Variants in P2RY13 observed in about 807,000 individuals in gnomAD.
The protein encoded by P2RY13 is P2Y purinoceptor 13.
For missense variants in P2RY13, 412 were observed against 418.4 expected (o/e 0.98, Z 0.13); for synonymous variants, 150 against 155.1 (o/e 0.97, Z 0.24).
At position 151,328,322 on chromosome 3, in the gene P2RY13, T is replaced by C. The variant is rs777980296; in HGVS notation, c.734A>G (p.Lys245Arg). The C allele has an allele frequency of 8.7e-5, 140 of 1,613,496 alleles. 1 individual carries two copies. Among genetic ancestry groups the C allele is most frequent in the Non-Finnish European group, 1.2e-4 (136 of 1,179,744 alleles). ...CAGCTTTTTGTTGTTTTTTCTGTCCTTACTTTTGGACTTTCTATAAGAATC... is the reference window on the plus strand; with the variant it reads ...CAGCTTTTTGTTGTTTTTTCTGTCCCTACTTTTGGACTTTCTATAAGAATC... ...VYDSYRKSKS[K>R]DRKNNKKLEG... is the part of the protein sequence containing the mutation. Residue 245 changes from lysine to arginine, a missense_variant, in exon 2 of 2, where the codon AAG (lysine) becomes AGG (arginine). Lys to Arg is a conservative substitution (Grantham distance 26). Transcript: ENST00000325602.
rs769953806 is a variant in P2RY13, at chr3:151,328,143, A to AG, written c.912_913insC (p.Ala306GlyfsTer4). The AG allele has an allele frequency of 2.5e-6, 4 of 1,613,056 alleles. No homozygotes were observed. Among genetic ancestry groups the AG allele is most frequent in the Non-Finnish European group, 2.5e-6 (3 of 1,179,650 alleles). ...TCCATACAAATGTTAGTTGCTGCCA[A>AG]AAAGAGAGTTGTTTCTTTAGCAATA... On this transcript the variant is annotated frameshift_variant, in exon 2 of 2. Coordinates refer to ENST00000325602, the MANE Select transcript of P2RY13 (RefSeq NM_176894.3). LOFTEE classifies it low-confidence loss of function (END_TRUNC).
intron 1 of P2RY13, 39 bp downstream of exon 1, chr3:151,329,442 T>C (rs1230497453): frequency 2.2e-6 from 3 of 1,345,910 alleles, no homozygotes; most frequent in South Asian, 2.6e-5. Context: ...TTCTTTTATA[T>C]AAGCAAGCAC....
Position 151,327,627 on chromosome 3 carries a change from G to T in P2RY13, c.*364C>A. 1 of 158,284 alleles carries T rather than the reference G, an allele frequency of 6.3e-6. No individual in the cohort carries two copies. The highest frequency in any genetic ancestry group is 6.5e-5 in the Admixed American group (1 of 15,468). 9.8% of individuals were successfully genotyped at this position (158,284 alleles called of 1,614,324 possible). On this transcript the variant is annotated 3_prime_UTR_variant, in exon 2 of 2. Coordinates refer to ENST00000325602, the MANE Select transcript of P2RY13 (RefSeq NM_176894.3). Reference sequence around the variant, plus strand: ...AGGGGCACAAAAGCAGTAGTGTTATGTGAATTGTGGAAAAGAATGTGAGAA... The same window carrying T: ...AGGGGCACAAAAGCAGTAGTGTTATTTGAATTGTGGAAAAGAATGTGAGAA...
rs1420672337 is a variant in P2RY13 at position 151,327,012 on chromosome 3, T to C, written c.*979A>G. ...GTATGTATCGAGAATAGCAATTCTATTTAAAACATCTGTAGACCATGGACT... is the reference window on the plus strand; with the variant it reads ...GTATGTATCGAGAATAGCAATTCTACTTAAAACATCTGTAGACCATGGACT... On this transcript the variant is annotated 3_prime_UTR_variant, in exon 2 of 2. Coordinates refer to ENST00000325602, the MANE Select transcript of P2RY13 (RefSeq NM_176894.3). The C allele has an allele frequency of 2.0e-5, 3 of 152,230 alleles. No individual in the cohort carries two copies. The highest frequency in any genetic ancestry group is 2.0e-4 in the Admixed American group (3 of 15,266). The allele number at this position is 152,230 out of a possible 1,614,324, so 9.4% of individuals were successfully genotyped here. A position where few individuals can be genotyped will look rare whatever the true frequency, so the allele number is the denominator to read the frequency against.
chr3:151,328,477 C>T lies in P2RY13; in HGVS notation c.579G>A (p.Lys193=). ...NKEATPSSVK[K]CASLKGPLGL... is the part of the protein sequence containing the mutation. ...CCAGAGGCCCCTTTAAGGAAGCACA[C>T]TTTTTCACAGACGATGGTGTTGCTT... The change falls in exon 2 of 2, where the codon AAG becomes AAA. Residue 193 remains lysine, a synonymous_variant. Transcript: ENST00000325602. 1 of 1,614,012 alleles carries T rather than the reference C, an allele frequency of 6.2e-7. No individual in the cohort carries two copies.
chr3:151,328,309 G>C lies in P2RY13; in HGVS notation c.747C>G (p.Asn249Lys), dbSNP rs748602377. ...YRKSKSKDRK[N>K]NKKLEGKVFV... Reference sequence around the variant, plus strand: ...ATACTTTGCCTTCCAGCTTTTTGTTGTTTTTTCTGTCCTTACTTTTGGACT... The same window carrying C: ...ATACTTTGCCTTCCAGCTTTTTGTTCTTTTTTCTGTCCTTACTTTTGGACT... Residue 249 changes from asparagine to lysine, a missense_variant, in exon 2 of 2, where the codon AAC (asparagine) becomes AAG (lysine). By Grantham distance (94) the Asn-to-Lys change is moderately conservative. Transcript: ENST00000325602. The C allele has an allele frequency of 1.2e-6, 2 of 1,613,566 alleles. No individual in the cohort carries two copies. The highest frequency in any genetic ancestry group is 3.3e-5 in the Admixed American group (2 of 59,872).
Position 151,328,417 on chromosome 3 carries a change from G to T in P2RY13, c.639C>A (p.Cys213Ter). The change falls in exon 2 of 2, where the codon TGC (cysteine) becomes TGA (stop). Residue 213 changes from cysteine to a stop codon, truncating the protein, a stop_gained. Coordinates refer to ENST00000325602, the MANE Select transcript of P2RY13 (RefSeq NM_176894.3). LOFTEE classifies it low-confidence loss of function (END_TRUNC). ...TAAAAACAGTCCAGAAAATAAACTGGCATATGTTATTTACCATTTGATGCC... is the reference window on the plus strand; with the variant it reads ...TAAAAACAGTCCAGAAAATAAACTGTCATATGTTATTTACCATTTGATGCC... ...LKWHQMVNNI[C>*]QFIFWTVFIL... 6.2e-7 allele frequency: 1 copy of T among 1,613,158 alleles called. No individual in the cohort carries two copies. The highest frequency in any genetic ancestry group is 8.5e-7 in the Non-Finnish European group (1 of 1,179,346).
chr3:151,328,312 T>G lies in P2RY13; in HGVS notation c.744A>C (p.Lys248Asn). ...SYRKSKSKDR[K>N]NNKKLEGKVF... is the part of the protein sequence containing the mutation. ...CTTTGCCTTCCAGCTTTTTGTTGTT[T>G]TTTCTGTCCTTACTTTTGGACTTTC... Residue 248 changes from lysine (K) to asparagine (N), a missense_variant, in exon 2 of 2, where the codon AAA becomes AAC. Lys to Asn is a moderately conservative substitution (Grantham distance 94). Coordinates refer to ENST00000325602, the MANE Select transcript of P2RY13 (RefSeq NM_176894.3). 1 of 1,613,886 alleles carries G rather than the reference T, an allele frequency of 6.2e-7. No individual in the cohort carries two copies. Among genetic ancestry groups the G allele is most frequent in the Non-Finnish European group, 8.5e-7 (1 of 1,179,900 alleles).
rs1169269871 is a variant in P2RY13, at chr3:151,326,584, A to T, written c.*1407T>A. ...GAGTCTTCCAAGTGTACCAGGGGGAAATATACATGTGTGGTGCCAAAACAG... is the reference window on the plus strand; with the variant it reads ...GAGTCTTCCAAGTGTACCAGGGGGATATATACATGTGTGGTGCCAAAACAG... On this transcript the variant is annotated 3_prime_UTR_variant, in exon 2 of 2. Transcript: ENST00000325602. The T allele has an allele frequency of 6.6e-6, 1 of 152,170 alleles. No individual in the cohort carries two copies. The highest frequency in any genetic ancestry group is 2.4e-5 in the African/African-American group (1 of 41,426). The allele number at this position is 152,170 out of a possible 1,614,324, so 9.4% of individuals were successfully genotyped here.
Position 151,328,940 on chromosome 3 carries a change from T to G in P2RY13, c.116A>C (p.Asp39Ala). 1 of 1,613,792 alleles carries G rather than the reference T, an allele frequency of 6.2e-7. No homozygotes were observed. The highest frequency in any genetic ancestry group is 8.5e-7 in the Non-Finnish European group (1 of 1,179,742). Residue 39 changes from aspartate (D) to alanine (A), a missense_variant, in exon 2 of 2, where the codon GAC (aspartate) becomes GCC (alanine). Asp to Ala is a moderately radical substitution (Grantham distance 126). Transcript: ENST00000325602. ...GAATACCAGCTGTACTATCCGAGTGTCTCTGGGGCACCGCTCAGATCTGTT... is the reference window on the plus strand; with the variant it reads ...GAATACCAGCTGTACTATCCGAGTGGCTCTGGGGCACCGCTCAGATCTGTT... The part of the protein sequence containing the change: ...GFNRSERCPR[D>A]TRIVQLVFPA...
Position 151,327,929 on chromosome 3 carries a change from T to A in P2RY13, c.*62A>T. On this transcript the variant is annotated 3_prime_UTR_variant, in exon 2 of 2. Transcript: ENST00000325602. ...CCAATCTTTTTTTCTTGGTTAAATT[T>A]GATTTCCACATTATCTACGGAAGTC... 1 of 1,202,206 alleles carries A rather than the reference T, an allele frequency of 8.3e-7. No homozygotes were observed. The highest frequency in any genetic ancestry group is 2.4e-5 in the East Asian group (1 of 41,012). The allele number at this position is 1,202,206 out of a possible 1,614,324, so 74.5% of individuals were successfully genotyped here.
In P2RY13 at chr3:151,326,643, C is replaced by T. The variant is rs1025924929; in HGVS notation, c.*1348G>A. ...ATTTTCTGAAAGTTAGAAATTTATA[C>T]AAGAGTATAAAGTTCAAGAGATGGA... On this transcript the variant is annotated 3_prime_UTR_variant, in exon 2 of 2. Coordinates refer to ENST00000325602, the MANE Select transcript of P2RY13 (RefSeq NM_176894.3). 1.3e-5 allele frequency: 2 copies of T among 152,038 alleles called. No homozygotes were observed. The highest frequency in any genetic ancestry group is 2.9e-5 in the Non-Finnish European group (2 of 68,012). 9.4% of individuals were successfully genotyped at this position (152,038 alleles called of 1,614,324 possible). A position where few individuals can be genotyped will look rare whatever the true frequency, so the allele number is the denominator to read the frequency against.
rs139399025 is a variant in P2RY13, at chr3:151,328,800, A to G, written c.256T>C (p.Leu86=). Residue 86 remains leucine (L), a synonymous_variant, in exon 2 of 2, where the codon TTG becomes CTG. Coordinates refer to ENST00000325602, the MANE Select transcript of P2RY13 (RefSeq NM_176894.3). ...STFIIYLKNT[L]VADLIMTLML... Reference sequence around the variant, plus strand: ...AGTGTCATTATCAAGTCGGCCACCAAAGTGTTTTTGAGGTAGATGATGAAG... The same window carrying G: ...AGTGTCATTATCAAGTCGGCCACCAGAGTGTTTTTGAGGTAGATGATGAAG... 3.0e-4 allele frequency: 480 copies of G among 1,613,930 alleles called. No homozygotes were observed. The highest frequency in any genetic ancestry group is 4.0e-4 in the Admixed American group (24 of 59,978).
At position 151,328,129 on chromosome 3, in the gene P2RY13, G is replaced by A; in HGVS notation, c.927C>T (p.Asn309=). The change falls in exon 2 of 2, where the codon AAC becomes AAT. Residue 309 remains asparagine, a synonymous_variant. Coordinates refer to ENST00000325602, the MANE Select transcript of P2RY13 (RefSeq NM_176894.3). ...TGTATATTAAGGGATCCATACAAAT[G>A]TTAGTTGCTGCCAAAAAGAGAGTTG... ...KETTLFLAAT[N]ICMDPLIYIF... 1.2e-6 allele frequency: 2 copies of A among 1,613,044 alleles called. No individual in the cohort carries two copies. The highest frequency in any genetic ancestry group is 1.7e-6 in the Non-Finnish European group (2 of 1,179,604).
At position 151,328,299 on chromosome 3, in the gene P2RY13, G is replaced by T. The variant is rs1471337877; in HGVS notation, c.757C>A (p.Leu253Met). 2 of 1,613,836 alleles carry T rather than the reference G, an allele frequency of 1.2e-6. No individual in the cohort carries two copies. The highest frequency in any genetic ancestry group is 1.7e-6 in the Non-Finnish European group (2 of 1,179,900). The change falls in exon 2 of 2, where the codon CTG becomes ATG. Residue 253 changes from leucine to methionine, a missense_variant. Leu to Met is a conservative substitution (Grantham distance 15). Coordinates refer to ENST00000325602, the MANE Select transcript of P2RY13 (RefSeq NM_176894.3). The stretch of plus-strand genomic sequence containing the variant: ...ACGACAACAAATACTTTGCCTTCCA[G>T]CTTTTTGTTGTTTTTTCTGTCCTTA... ...KSKDRKNNKK[L>M]EGKVFVVVAV... is the part of the protein sequence containing the mutation.
chr3:151,329,538 C>T lies in P2RY13; in HGVS notation c.-10G>A, dbSNP rs1385001846. Reference sequence around the variant, plus strand: ...TTATGGCGGCAGTCATTAGTTCAGCCTACAAATGAGCATGTGAAGCAAATG... The same window carrying T: ...TTATGGCGGCAGTCATTAGTTCAGCTTACAAATGAGCATGTGAAGCAAATG... On this transcript the variant is annotated 5_prime_UTR_variant, in exon 1 of 2. Coordinates refer to ENST00000325602, the MANE Select transcript of P2RY13 (RefSeq NM_176894.3). 7 of 1,541,508 alleles carry T rather than the reference C, an allele frequency of 4.5e-6. No individual in the cohort carries two copies. Among genetic ancestry groups the T allele is most frequent in the Non-Finnish European group, 5.3e-6 (6 of 1,139,270 alleles).
chr3:151,329,289 A>G (rs1347772619), intron 1 of P2RY13, among the ~76,000 whole-genome samples, 192 bp downstream of exon 1: 1 of 152,236 alleles, frequency 6.6e-6, no homozygotes, highest in Non-Finnish European at 1.5e-5. Flanking sequence ...ACTGTTAGCC[A>G]TAAAACAAAA....
Position 151,328,734 on chromosome 3 carries a change from G to A in P2RY13, c.322C>T (p.Pro108Ser). ...FKILSDSHLA[P>S]WQLRAFVCRF... Reference sequence around the variant, plus strand: ...CACACAAAAGCTCTGAGCTGCCAGGGTGCCAGGTGTGAGTCAGAGAGGATT... The same window carrying A: ...CACACAAAAGCTCTGAGCTGCCAGGATGCCAGGTGTGAGTCAGAGAGGATT... The change falls in exon 2 of 2, where the codon CCC (proline) becomes TCC (serine). Residue 108 changes from proline to serine, a missense_variant. Coordinates refer to ENST00000325602, the MANE Select transcript of P2RY13 (RefSeq NM_176894.3). The A allele has an allele frequency of 6.2e-7, 1 of 1,613,992 alleles. No homozygotes were observed. The highest frequency in any genetic ancestry group is 8.5e-7 in the Non-Finnish European group (1 of 1,179,938).
chr3:151,328,798 CA>C lies in P2RY13; in HGVS notation c.257del (p.Leu86TrpfsTer5). 6.2e-7 allele frequency: 1 copy of C among 1,613,850 alleles called. No homozygotes were observed. Among genetic ancestry groups the C allele is most frequent in the Non-Finnish European group, 8.5e-7 (1 of 1,179,902 alleles). On this transcript the variant is annotated frameshift_variant, in exon 2 of 2. Transcript: ENST00000325602. LOFTEE classifies it low-confidence loss of function (END_TRUNC). ...STFIIYLKNT[L>X]VADLIMTLML... ...TGAGTGTCATTATCAAGTCGGCCAC[CA>C]AAGTGTTTTTGAGGTAGATGATGAA...
Sources: gnomAD v4.1 joint callset for allele counts (sites outside exome capture counted in the v4.1 genomes callset) on GRCh38, gnomAD v4.1.1 for gene constraint, MANE v1.5 for transcripts, NCBI Gene and HGNC (gene_info 2026-07-23, HGNC 2026-07-21) for gene names.